LRGUK: variants seen among roughly 807,000 people sequenced by gnomAD.
LRGUK encodes the protein leucine rich repeats and guanylate kinase domain containing.
LRGUK carries 65 observed loss-of-function variants against 76.0 expected under a neutral mutation model. The ratio of observed to expected loss-of-function variants is 0.85; its 90% confidence interval spans 0.70 to 1.05. The LOEUF (loss-of-function observed/expected upper bound fraction) is 1.05, where lower values mean the gene tolerates loss of function less well. Among genes scored for constraint, LRGUK ranks in the 50% least tolerant of loss-of-function variants. The probability of loss-of-function intolerance (pLI) is 0.00; values close to 1 mark genes in which losing one functional copy is unlikely to be tolerated. For missense variants in LRGUK, 758 were observed against 732.8 expected (o/e 1.03, Z -0.40); for synonymous variants, 268 against 265.6 (o/e 1.01, Z -0.09).
rs923135097 is a variant in LRGUK, at chr7:134,159,839, C to T, written c.795+1680C>T. On this transcript the variant is annotated intron_variant, in intron 6 of 15. Transcript: ENST00000645682. The stretch of plus-strand genomic sequence containing the variant: ...ATCAACCAAACCTCTTCCATTCCTG[C>T]AGTGAGTTAGGTCAGGATAAAGTAT... 6.6e-5 allele frequency among the ~76,000 whole-genome samples: 10 copies of T among 152,212 alleles called. No homozygotes were observed. The East Asian group carries it at 1.9e-3, about 29-fold the overall frequency.
chr7:134,157,256 A>T (rs1798507382), intron 5 of LRGUK, among the ~76,000 whole-genome samples: 1 of 152,218 alleles, frequency 6.6e-6, no homozygotes, highest in African/African-American at 2.4e-5. Context: ...CCTTTCTCTA[A>T]CAGGGTATTG....
At chr7:134,207,212 T>G (rs976563521) in intron 15 of LRGUK, among the ~76,000 whole-genome samples, 7 of 152,212 alleles carry the variant, frequency 4.6e-5, no homozygotes, top group African/African-American at 1.7e-4. Flanking sequence ...AGTATACAAT[T>G]CAATGGTACT....
At chr7:134,163,293 T>A in intron 6 of LRGUK, 104 bp from the exon 7 acceptor site, 2 of 1,030,386 alleles carry the variant, frequency 1.9e-6, no homozygotes, top group Non-Finnish European at 2.7e-6. Flanking sequence ...GCCTTCTTGA[T>A]TTTTTTTAGA....
downstream of LRGUK, among the ~76,000 whole-genome samples, chr7:134,266,158 T>C (rs938592714): frequency 6.6e-6 from 1 of 152,220 alleles, no homozygotes; most frequent in Non-Finnish European, 1.5e-5. Flanking sequence ...AACGTCCTAC[T>C]GAGACAACAG....
intron 5 of LRGUK, among the ~76,000 whole-genome samples, chr7:134,156,909 T>C (rs996617768): frequency 2.1e-4 from 32 of 152,128 alleles, no homozygotes; most frequent in Admixed American, 9.2e-4. Context: ...TCTTGGTGAT[T>C]GGATGCCTCA....
Position 134,236,118 on chromosome 7 carries a change from T to TA in LRGUK, c.1984-11432dup, listed in dbSNP as rs1448998177. Reference sequence around the variant, plus strand: ...CTTACCCTTTCTTAAATTATTAAATTAAAAAACAAGGAAAATAAATGTATA... The same window carrying TA: ...CTTACCCTTTCTTAAATTATTAAATTAAAAAAACAAGGAAAATAAATGTATA... On this transcript the variant is annotated intron_variant, in intron 16 of 19. Transcript: ENST00000285928. Among the ~76,000 whole-genome samples, 18 of 152,178 alleles carry TA rather than the reference T, an allele frequency of 1.2e-4. No homozygotes were observed. In the East Asian group the frequency reaches 3.5e-3, roughly 29 times the overall value.
intron 16 of LRGUK, among the ~76,000 whole-genome samples, chr7:134,237,057 T>TTC (rs1563195629): frequency 7.0e-6 from 1 of 142,298 alleles, no homozygotes; most frequent in African/African-American, 2.6e-5. Flanking sequence ...TTTCTTTTTT[T>TTC]TTTTTTTTTT....
At chr7:134,218,272 T>C in intron 15 of LRGUK, among the ~76,000 whole-genome samples, 1 of 152,220 alleles carries the variant, frequency 6.6e-6, no homozygotes, top group Non-Finnish European at 1.5e-5. Flanking sequence ...AATAAGTGAT[T>C]CTGAAGTTGT....
At chr7:134,208,130 G>A (rs940722535) in intron 15 of LRGUK, among the ~76,000 whole-genome samples, 2 of 152,158 alleles carry the variant, frequency 1.3e-5, no homozygotes, top group African/African-American at 4.8e-5. Context: ...TCTGAGCCAT[G>A]GTGCCTTGTG....
At chr7:134,174,339 G>A (rs73439474) in intron 7 of LRGUK, among the ~76,000 whole-genome samples, 24,085 of 152,040 alleles carry the variant, frequency 0.16, 2,655 homozygotes, top group East Asian at 0.38. Flanking sequence ...TAGAGAAGAA[G>A]AAAGAAAACG....
At chr7:134,221,820 A>G in exon 16 of LRGUK, 1 of 1,598,138 alleles carries the variant, frequency 6.3e-7, no homozygotes, top group East Asian at 2.3e-5. Context: ...GCATCCTACA[A>G]AGTATATTTC....
intron 16 of LRGUK, among the ~76,000 whole-genome samples, chr7:134,225,234 G>T (rs190830773): frequency 1.3e-3 from 204 of 152,034 alleles, no homozygotes; most frequent in African/African-American, 4.4e-3. Context: ...GAGAGGAGAG[G>T]ATAAAAAGGC....
chr7:134,149,457 C>A (rs903294690), intron 5 of LRGUK, among the ~76,000 whole-genome samples: 5 of 151,992 alleles, frequency 3.3e-5, no homozygotes, highest in African/African-American at 1.2e-4. Flanking sequence ...AAGGCTGATA[C>A]GAGGGACAAC....
At chr7:134,258,841 C>G (rs1196196201) in intron 19 of LRGUK, among the ~76,000 whole-genome samples, 1 of 152,052 alleles carries the variant, frequency 6.6e-6, no homozygotes, top group Admixed American at 6.5e-5. Flanking sequence ...CAGAATCTCC[C>G]TCTAAGGTAG....
At chr7:134,196,149 AGAAG>A (rs1800477889) in intron 12 of LRGUK, among the ~76,000 whole-genome samples, 1 of 152,224 alleles carries the variant, frequency 6.6e-6, no homozygotes, top group Non-Finnish European at 1.5e-5. Context: ...CACATATATG[AGAAG>A]TCACTCTTGC....
chr7:134,253,224 C>T (rs1449821486), intron 18 of LRGUK, among the ~76,000 whole-genome samples: 2 of 152,168 alleles, frequency 1.3e-5, no homozygotes, highest in African/African-American at 4.8e-5. Context: ...TTTAATCAAC[C>T]TTTGGCCAAA....
chr7:134,250,984 A>G (rs1186967707), intron 18 of LRGUK, among the ~76,000 whole-genome samples: 1 of 152,166 alleles, frequency 6.6e-6, no homozygotes, highest in Admixed American at 6.5e-5. Context: ...TAATACTTTG[A>G]CACAAAGGAA....
downstream of LRGUK, chr7:134,264,710 G>A (rs1044380338): frequency 2.6e-5 from 4 of 152,172 alleles, no homozygotes; most frequent in Admixed American, 2.6e-4. Context: ...CCTCCATTGA[G>A]CAGTTATAGA....
chr7:134,208,473 T>G (rs1267850250), intron 15 of LRGUK, among the ~76,000 whole-genome samples: 1 of 152,190 alleles, frequency 6.6e-6, no homozygotes, highest in Admixed American at 6.5e-5. Flanking sequence ...TTATGTTTAT[T>G]CATTGAAGTT....
Sources: allele counts gnomAD v4.1 joint callset (sites outside exome capture counted in the v4.1 genomes callset), GRCh38; gene constraint gnomAD v4.1.1; transcripts MANE v1.5; gene names NCBI Gene and HGNC (gene_info 2026-07-23, HGNC 2026-07-21).